Variants in HHLA1 observed in about 807,000 individuals in gnomAD.
The protein encoded by HHLA1 is HHLA1 neighbor of OC90.
In HHLA1, 72 loss-of-function variants were observed where a neutral mutation model predicts 69.9. The observed-to-expected ratio is 1.03, with a 90% CI of 0.85 to 1.25. HHLA1 has a LOEUF of 1.25. Ranked by LOEUF, HHLA1 falls within the 50% of genes most tolerant of loss-of-function variation. HHLA1 has a pLI of 0.00. For missense variants in HHLA1, 685 were observed against 642.2 expected (o/e 1.07, Z -0.72); for synonymous variants, 252 against 233.2 (o/e 1.08, Z -0.73).
chr8:132,081,241 A>G (rs1276811021), intron 10 of HHLA1: 1 of 152,174 alleles, frequency 6.6e-6, no homozygotes, highest in Non-Finnish European at 1.5e-5. Flanking sequence ...TAGACAGAAG[A>G]TAGTAGGGAT....
rs1308969164 is a variant in HHLA1 at position 132,100,070 on chromosome 8, C to T, written c.199+5G>A. The T allele has an allele frequency of 5.8e-6, 9 of 1,550,882 alleles. No individual in the cohort carries two copies. The highest frequency in any genetic ancestry group is 3.6e-5 in the South Asian group (3 of 84,038). On this transcript the variant is annotated splice_donor_5th_base_variant and intron_variant, in intron 4 of 16. Coordinates refer to ENST00000414222, the MANE Select transcript of HHLA1 (RefSeq NM_001145095.3). ...ACCCAAGGGATTTGGGGGAGCGGCA[C>T]TCACCCGTCGTAGCAAGAAATGCCA...
chr8:132,076,793 A>G (rs1178417010), intron 12 of HHLA1, among the ~76,000 whole-genome samples: 2 of 152,140 alleles, frequency 1.3e-5, no homozygotes, highest in African/African-American at 2.4e-5. Flanking sequence ...GACATTGGTA[A>G]GTTATGGTGA....
rs542405302 is a variant in HHLA1 at position 132,109,154 on chromosome 8, C to T, written c.-22+1948G>A. ...CCCGAGTAGCTGGGATTACAGGTGCCCACCACCATGCCAGGCCAATTTTTG... is the reference window on the plus strand; with the variant it reads ...CCCGAGTAGCTGGGATTACAGGTGCTCACCACCATGCCAGGCCAATTTTTG... On this transcript the variant is annotated intron_variant, in intron 1 of 16. Coordinates refer to ENST00000414222, the MANE Select transcript of HHLA1 (RefSeq NM_001145095.3). Among the ~76,000 whole-genome samples, 12 of 152,210 alleles carry T rather than the reference C, an allele frequency of 7.9e-5. No individual in the cohort carries two copies. The South Asian group carries it at 2.5e-3, about 32-fold the overall frequency.
chr8:132,094,737 A>C (rs1375482825), intron 7 of HHLA1, among the ~76,000 whole-genome samples: 2 of 152,170 alleles, frequency 1.3e-5, no homozygotes, highest in Non-Finnish European at 2.9e-5. Flanking sequence ...CAGTACATTT[A>C]TTTACTCCCT....
intron 13 of HHLA1, 60 bp downstream of exon 13, chr8:132,076,415 A>C: frequency 1.1e-6 from 1 of 910,382 alleles, no homozygotes; most frequent in South Asian, 1.6e-5. Context: ...CTTGTCCCCA[A>C]GCTTCCCACC....
intron 3 of HHLA1, chr8:132,101,324 A>G: frequency 6.5e-7 from 1 of 1,542,844 alleles, no homozygotes; most frequent in Non-Finnish European, 8.7e-7. Context: ...GTACAGCCTC[A>G]AACAGTTCAT....
At chr8:132,082,802 G>A (rs1450708268) in intron 10 of HHLA1, among the ~76,000 whole-genome samples, 2 of 152,194 alleles carry the variant, frequency 1.3e-5, no homozygotes, top group Non-Finnish European at 2.9e-5. Flanking sequence ...GGGTGGACAG[G>A]CAAAACAATT....
rs552212446 is a variant in HHLA1, at chr8:132,109,453, T to C, written c.-22+1649A>G. 3.9e-5 allele frequency among the ~76,000 whole-genome samples: 6 copies of C among 152,300 alleles called. No individual in the cohort carries two copies. The East Asian group carries it at 7.7e-4, about 20-fold the overall frequency. On this transcript the variant is annotated intron_variant, in intron 1 of 16. Coordinates refer to ENST00000414222, the MANE Select transcript of HHLA1 (RefSeq NM_001145095.3). ...CATATGAAAAAAAACATTTTTCTCC[T>C]GTAATCTAACTTTTGTTAGTTTAAT... is the stretch of plus-strand genomic sequence containing the variant.
chr8:132,098,833 G>A (rs1824064431), intron 5 of HHLA1, 49 bp downstream of exon 5: 1 of 1,230,066 alleles, frequency 8.1e-7, no homozygotes, highest in Non-Finnish European at 1.2e-6. Context: ...AAAGACACTG[G>A]TACAAGAAAA....
At chr8:132,078,236 G>C (rs2130882477) in intron 11 of HHLA1, among the ~76,000 whole-genome samples, 1 of 150,362 alleles carries the variant, frequency 6.7e-6, no homozygotes, top group Admixed American at 6.6e-5. Flanking sequence ...TAGGACCCCA[G>C]GCGTGTGTGT....
At chr8:132,068,682 C>A (rs1823480156) in intron 15 of HHLA1, among the ~76,000 whole-genome samples, 1 of 152,220 alleles carries the variant, frequency 6.6e-6, no homozygotes, top group African/African-American at 2.4e-5. Flanking sequence ...ATCTAAATTC[C>A]TAGCAGACCA....
chr8:132,063,406 C>T lies in HHLA1; in HGVS notation c.*589G>A, dbSNP rs945908551. 1.3e-5 allele frequency: 2 copies of T among 152,188 alleles called. No homozygotes were observed. Among genetic ancestry groups the T allele is most frequent in the African/African-American group, 4.8e-5 (2 of 41,444 alleles). The allele number at this position is 152,188 out of a possible 1,614,324, so 9.4% of individuals were successfully genotyped here. Reference sequence around the variant, plus strand: ...ATAAAAACAACTCTCTAAACCTCCTCCTAATGATAAAGTTTTCATTATCGC... The same window carrying T: ...ATAAAAACAACTCTCTAAACCTCCTTCTAATGATAAAGTTTTCATTATCGC... On this transcript the variant is annotated 3_prime_UTR_variant, in exon 17 of 17. Transcript: ENST00000414222.
chr8:132,098,042 C>A lies in HHLA1; in HGVS notation c.280+840G>T, dbSNP rs77405388. On this transcript the variant is annotated intron_variant, in intron 5 of 16. Coordinates refer to ENST00000414222, the MANE Select transcript of HHLA1 (RefSeq NM_001145095.3). ...TCCTTCACCCAATAGAATGGAAGCT[C>A]TCCCAGGCCAAAGATTTTTGGTTTT... Among the ~76,000 whole-genome samples the A allele has an allele frequency of 4.2e-3, 637 of 152,308 alleles. 1 individual carries two copies. Among genetic ancestry groups the A allele is most frequent in the African/African-American group, 0.014 (596 of 41,562 alleles).
At chr8:132,102,518 T>A (rs1427493883) in intron 3 of HHLA1, among the ~76,000 whole-genome samples, 1 of 152,194 alleles carries the variant, frequency 6.6e-6, no homozygotes, top group Non-Finnish European at 1.5e-5. Flanking sequence ...GCTGTCTAGC[T>A]TGAGTGAGGC....
intron 15 of HHLA1, among the ~76,000 whole-genome samples, chr8:132,067,389 A>G (rs1823459879): frequency 6.6e-6 from 1 of 152,136 alleles, no homozygotes; most frequent in Admixed American, 6.5e-5. Flanking sequence ...TCTACTAGAG[A>G]ATGGGCAGGA....
chr8:132,069,651 A>G (rs1398704276), intron 15 of HHLA1: 4 of 152,178 alleles, frequency 2.6e-5, no homozygotes, highest in Non-Finnish European at 5.9e-5. Flanking sequence ...ATATTTTCCA[A>G]CGGGATATGA....
At chr8:132,082,297 C>T (rs946906001) in intron 10 of HHLA1, among the ~76,000 whole-genome samples, 5 of 152,034 alleles carry the variant, frequency 3.3e-5, no homozygotes, top group African/African-American at 1.2e-4. Context: ...CCTCTAAAAG[C>T]ATTAAAGCAG....
chr8:132,108,912 C>A (rs1305635158), intron 1 of HHLA1, among the ~76,000 whole-genome samples: 1 of 152,202 alleles, frequency 6.6e-6, no homozygotes, highest in East Asian at 1.9e-4. Context: ...AGCTCTTTTC[C>A]TTTGTCTTGT....
At chr8:132,084,364 G>A (rs1823822439) in intron 10 of HHLA1, among the ~76,000 whole-genome samples, 1 of 152,128 alleles carries the variant, frequency 6.6e-6, no homozygotes, top group Admixed American at 6.5e-5. Context: ...GCGACGCTTG[G>A]GGTTGGTACT....
Sources: allele counts gnomAD v4.1 joint callset (sites outside exome capture counted in the v4.1 genomes callset), GRCh38; gene constraint gnomAD v4.1.1; transcripts MANE v1.5; gene names NCBI Gene and HGNC (gene_info 2026-07-23, HGNC 2026-07-21).